Variants in SH3GL3 observed in about 807,000 individuals in gnomAD.
SH3GL3 encodes the protein endophilin-A3.
Under a neutral mutation model 47.7 loss-of-function variants are expected in SH3GL3, and 33 were observed. That is an observed-to-expected ratio of 0.69 (90% CI 0.52 to 0.92). The LOEUF (loss-of-function observed/expected upper bound fraction) is 0.92, where lower values mean the gene tolerates loss of function less well. Among genes scored for constraint, SH3GL3 ranks in the 40% least tolerant of loss-of-function variants. The probability of loss-of-function intolerance (pLI) is 0.00; values close to 1 mark genes in which losing one functional copy is unlikely to be tolerated. For missense variants in SH3GL3, 363 were observed against 417.8 expected, an observed-to-expected ratio of 0.87 and a Z score of 1.14; for synonymous variants, 155 against 148.8, an observed-to-expected ratio of 1.04 and a Z score of -0.30.
chr15:83,627,961 C>T, the SH3GL3 span, among the ~76,000 whole-genome samples: 1 of 152,148 alleles, frequency 6.6e-6, no homozygotes, highest in Non-Finnish European at 1.5e-5. Flanking sequence ...ATAGAATCTA[C>T]TAAATGAACC....
intron 1 of SH3GL3, among the ~76,000 whole-genome samples, chr15:83,463,171 A>C (rs2040389207): frequency 6.6e-6 from 1 of 152,192 alleles, no homozygotes; most frequent in Non-Finnish European, 1.5e-5. Flanking sequence ...CAGCTTTCAC[A>C]TATCTCATTC....
At chr15:83,631,865 T>C in the SH3GL3 span, among the ~76,000 whole-genome samples, 267 of 152,352 alleles carry the variant, frequency 1.8e-3, no homozygotes, top group African/African-American at 6.2e-3. Context: ...TTATTGCTTA[T>C]ACAAATTTCT....
chr15:83,606,174 T>G (rs1409394376), intron 8 of SH3GL3, among the ~76,000 whole-genome samples: 1 of 152,206 alleles, frequency 6.6e-6, no homozygotes, highest in East Asian at 1.9e-4. Context: ...AACAAATATG[T>G]ATTCCAAATG....
In SH3GL3 at chr15:83,460,068, CCCTT is replaced by C. The variant is rs1167747866; in HGVS notation, c.45+12515_45+12518del. ...TCCCTCCCTCCCTGCCTCCCTCCCT[CCCTT>C]CCTTCCTTCCTTCCTTCCTTCCTTG... On this transcript the variant is annotated intron_variant, in intron 1 of 8. Transcript: ENST00000427482. 7.2e-3 allele frequency among the ~76,000 whole-genome samples: 334 copies of C among 46,630 alleles called. 4 individuals carry two copies. The highest frequency in any genetic ancestry group is 0.033 in the Admixed American group (94 of 2,854). The allele number at this position is 46,630 out of a possible 152,430, so 30.6% of individuals were successfully genotyped here. A position where few individuals can be genotyped will look rare whatever the true frequency, so the allele number is the denominator to read the frequency against.
chr15:83,536,385 T>TTTTTC (rs551702646), intron 1 of SH3GL3, among the ~76,000 whole-genome samples: 63,737 of 135,126 alleles, frequency 0.47, 15,693 homozygotes, highest in Admixed American at 0.62. Flanking sequence ...TGCCTTTTTC[T>TTTTTC]TTTTCTTTTC....
Position 83,447,357 on chromosome 15 carries a change from T to A in SH3GL3, c.-177T>A. On this transcript the variant is annotated 5_prime_UTR_variant, in exon 1 of 9. Coordinates refer to ENST00000427482, the MANE Select transcript of SH3GL3 (RefSeq NM_003027.5). This position sits in a 1 kb window ranked among gnomAD's most constrained non-coding sequence, Gnocchi z 5.1. The stretch of plus-strand genomic sequence containing the variant: ...TTGGAACGCAGTGTTGCCATCGGCG[T>A]GCGCGCGTGTGTGCGAGTGTGACAG... The A allele has an allele frequency of 2.7e-6, 1 of 373,154 alleles. No homozygotes were observed. The highest frequency in any genetic ancestry group is 4.6e-5 in the East Asian group (1 of 21,914). The allele number at this position is 373,154 out of a possible 1,614,324, so 23.1% of individuals were successfully genotyped here.
At chr15:83,568,437 A>C (rs2045657468) in intron 3 of SH3GL3, 92 bp from the exon 4 acceptor site, 10 of 880,630 alleles carry the variant, frequency 1.1e-5, no homozygotes, top group Non-Finnish European at 1.3e-5. Flanking sequence ...GTTTAAGGTG[A>C]CCTCAGTTTT....
intron 1 of SH3GL3, among the ~76,000 whole-genome samples, chr15:83,511,243 T>C (rs1359693522): frequency 1.3e-5 from 2 of 152,188 alleles, no homozygotes; most frequent in African/African-American, 2.4e-5. Flanking sequence ...CTTTTCCCTT[T>C]GCAGAAAGTA....
intron 1 of SH3GL3, among the ~76,000 whole-genome samples, chr15:83,517,694 G>A (rs564846848): frequency 4.6e-5 from 7 of 152,034 alleles, no homozygotes; most frequent in Non-Finnish European, 8.8e-5. Context: ...GCCCTTGTCG[G>A]TTTTATGTCA....
intron 8 of SH3GL3, among the ~76,000 whole-genome samples, chr15:83,594,408 C>T (rs765303099): frequency 6.6e-6 from 1 of 152,202 alleles, no homozygotes; most frequent in Non-Finnish European, 1.5e-5. Context: ...TAGCACAGGG[C>T]ATTCCCATAT....
At position 83,509,481 on chromosome 15, in the gene SH3GL3, C is replaced by T. The variant is rs374938444; in HGVS notation, c.46-49772C>T. Among the ~76,000 whole-genome samples the T allele has an allele frequency of 3.2e-4, 49 of 152,256 alleles. No individual in the cohort carries two copies. The East Asian group carries it at 5.4e-3, about 17-fold the overall frequency. On this transcript the variant is annotated intron_variant, in intron 1 of 8. Coordinates refer to ENST00000427482, the MANE Select transcript of SH3GL3 (RefSeq NM_003027.5). ...AACTATTTAGTAGACCAGAACTTCT[C>T]GGTAATTTATTGCTCAATAGTGGGA...
At chr15:83,548,329 G>T (rs1270319154) in intron 1 of SH3GL3, among the ~76,000 whole-genome samples, 1 of 149,654 alleles carries the variant, frequency 6.7e-6, no homozygotes, top group Non-Finnish European at 1.5e-5. Flanking sequence ...ATATGTGTGT[G>T]TATATATAAT....
chr15:83,593,635 C>T (rs1741794049), intron 8 of SH3GL3, among the ~76,000 whole-genome samples: 1 of 152,136 alleles, frequency 6.6e-6, no homozygotes, highest in Non-Finnish European at 1.5e-5. Context: ...TTCACGTCAT[C>T]TATAAATGAA....
chr15:83,540,006 C>T (rs867671950), intron 1 of SH3GL3, among the ~76,000 whole-genome samples: 7 of 152,212 alleles, frequency 4.6e-5, no homozygotes, highest in East Asian at 3.9e-4. Flanking sequence ...AGCTGCATCT[C>T]GTAAGCTTAG....
At chr15:83,499,794 C>T (rs1483742830) in intron 1 of SH3GL3, among the ~76,000 whole-genome samples, 1 of 152,102 alleles carries the variant, frequency 6.6e-6, no homozygotes, top group East Asian at 1.9e-4. Context: ...ATATAAAATC[C>T]TATCAGTACA....
intron 1 of SH3GL3, among the ~76,000 whole-genome samples, chr15:83,522,728 C>T (rs1374172800): frequency 6.6e-6 from 1 of 152,176 alleles, no homozygotes; most frequent in Non-Finnish European, 1.5e-5. Context: ...AAAATATATG[C>T]AGGCTTTAAA....
At chr15:83,589,543 ATTTTT>A (rs1028833599) in intron 8 of SH3GL3, among the ~76,000 whole-genome samples, 5 of 151,210 alleles carry the variant, frequency 3.3e-5, no homozygotes, top group African/African-American at 1.2e-4. Flanking sequence ...TGCCAGGCAA[ATTTTT>A]TTATTTTTTG....
At chr15:83,500,636 A>T (rs2042256473) in intron 1 of SH3GL3, among the ~76,000 whole-genome samples, 1 of 152,220 alleles carries the variant, frequency 6.6e-6, no homozygotes, top group African/African-American at 2.4e-5. Flanking sequence ...GTGAACCTCA[A>T]CCAATGGGAG....
intron 1 of SH3GL3, among the ~76,000 whole-genome samples, chr15:83,545,249 C>T (rs2044340694): frequency 6.6e-6 from 1 of 152,048 alleles, no homozygotes; most frequent in African/African-American, 2.4e-5. Flanking sequence ...TGTGTATTTT[C>T]AAATAGGCTT....
Sources: gnomAD v4.1 joint callset for allele counts (sites outside exome capture counted in the v4.1 genomes callset) on GRCh38, gnomAD v4.1.1 for gene constraint, Gnocchi (gnomAD v3.1) non-coding constraint, MANE v1.5 for transcripts, NCBI Gene and HGNC (gene_info 2026-07-23, HGNC 2026-07-21) for gene names.